Variants in CNGA1 observed in about 807,000 individuals in gnomAD.
CNGA1 encodes cyclic nucleotide gated channel subunit alpha 1, also known as cyclic nucleotide-gated channel alpha-1.
A neutral mutation model predicts 69.7 loss-of-function variants in CNGA1; 53 were observed. That is an observed-to-expected ratio of 0.76 (90% confidence interval 0.61 to 0.96). The LOEUF (loss-of-function observed/expected upper bound fraction) is 0.96. CNGA1 is among the 40% of genes least tolerant of loss of function. CNGA1 has a pLI of 0.00. For missense variants in CNGA1, 739 were observed against 811.2 expected, an observed-to-expected ratio of 0.91 and a Z score of 1.08; for synonymous variants, 249 against 283.5, an observed-to-expected ratio of 0.88 and a Z score of 1.22.
chr4:48,009,265 G>C (rs1363529414), intron 2 of CNGA1, among the ~76,000 whole-genome samples: 1 of 151,876 alleles, frequency 6.6e-6, no homozygotes, highest in African/African-American at 2.4e-5. Flanking sequence ...AGGAGATCGA[G>C]ACCAGCCTGG....
intron 1 of CNGA1, among the ~76,000 whole-genome samples, chr4:48,013,496 G>A (rs758560471): frequency 2.0e-5 from 3 of 152,202 alleles, no homozygotes; most frequent in Admixed American, 1.3e-4. Flanking sequence ...AGCAAAGGCA[G>A]GAATACTGGA....
intron 1 of CNGA1, among the ~76,000 whole-genome samples, chr4:48,014,423 A>G (rs2352412): frequency 0.22 from 24,160 of 110,326 alleles, 2,234 homozygotes; most frequent in South Asian, 0.33. Context: ...TCAGAATTGA[A>G]AAGCAAGAAC....
intron 2 of CNGA1, among the ~76,000 whole-genome samples, chr4:47,996,296 G>A (rs1023064686): frequency 2.0e-5 from 3 of 152,138 alleles, no homozygotes. Flanking sequence ...AACTGATGTT[G>A]ATAGCTCCTT....
At chr4:47,962,904 A>G (rs1305645611) in intron 3 of CNGA1, among the ~76,000 whole-genome samples, 1 of 152,176 alleles carries the variant, frequency 6.6e-6, no homozygotes, top group African/African-American at 2.4e-5. Flanking sequence ...AGCAAACAAC[A>G]CTAATTTAGT....
Position 47,936,246 on chromosome 4 carries a change from T to A in CNGA1, c.*175A>T. 3.1e-6 allele frequency: 2 copies of A among 647,770 alleles called. No individual in the cohort carries two copies. The highest frequency in any genetic ancestry group is 2.7e-6 in the Non-Finnish European group (1 of 374,928). 40.1% of individuals were successfully genotyped at this position (647,770 alleles called of 1,614,324 possible). ...AAAATCCCAAGATATAAAGCTTTTT[T>A]AATCATAGTATCTCTCAGAGAGGGT... On this transcript the variant is annotated 3_prime_UTR_variant, in exon 11 of 11. Transcript: ENST00000514170.
chr4:47,977,738 T>A lies in CNGA1; in HGVS notation c.-15+3655A>T, dbSNP rs560891422. Among the ~76,000 whole-genome samples the A allele has an allele frequency of 2.6e-5, 4 of 152,276 alleles. No individual in the cohort carries two copies. In the East Asian group the frequency reaches 7.7e-4, roughly 29 times the overall value. On this transcript the variant is annotated intron_variant, in intron 3 of 10. Coordinates refer to ENST00000514170, the MANE Select transcript of CNGA1 (RefSeq NM_001379270.1). ...ATAAAAAGCAACAAAATTTTTTTAA[T>A]TATTGCATTTTATTGCACAAAACAC...
intron 2 of CNGA1, among the ~76,000 whole-genome samples, chr4:48,006,264 G>C (rs1349690687): frequency 6.6e-6 from 1 of 152,026 alleles, no homozygotes; most frequent in Admixed American, 6.6e-5. Context: ...ACCTTCTAAA[G>C]AGAACCAAAA....
intron 2 of CNGA1, among the ~76,000 whole-genome samples, chr4:48,000,744 G>C (rs1714634354): frequency 6.6e-6 from 1 of 151,984 alleles, no homozygotes; most frequent in Non-Finnish European, 1.5e-5. Context: ...GGGGAAGCGG[G>C]GGGGTGGGAA....
intron 2 of CNGA1, among the ~76,000 whole-genome samples, chr4:48,000,663 C>A (rs1260280830): frequency 6.6e-6 from 1 of 150,630 alleles, no homozygotes; most frequent in African/African-American, 2.4e-5. Flanking sequence ...CCACCGTGCC[C>A]AGCAACAATA....
intron 2 of CNGA1, among the ~76,000 whole-genome samples, chr4:47,984,659 TATATACACAC>T (rs1741903684): frequency 3.4e-5 from 3 of 87,950 alleles, no homozygotes; most frequent in Non-Finnish European, 4.9e-5. Flanking sequence ...TATATATATA[TATATACACAC>T]ACACACACAC....
chr4:47,997,315 CAA>C (rs2110243297), intron 2 of CNGA1, among the ~76,000 whole-genome samples: 1 of 152,194 alleles, frequency 6.6e-6, no homozygotes, highest in Admixed American at 6.5e-5. Context: ...GGCAAGAAAA[CAA>C]ATGGATATCT....
At chr4:48,013,025 G>C (rs541158819) in intron 1 of CNGA1, 1 of 152,130 alleles carries the variant, frequency 6.6e-6, no homozygotes, top group South Asian at 2.1e-4. Flanking sequence ...CAGAAAATTT[G>C]TCTTTCTTGA....
At chr4:47,970,798 T>C (rs1246405894) in intron 3 of CNGA1, 1 of 452,246 alleles carries the variant, frequency 2.2e-6, no homozygotes, top group Admixed American at 2.4e-5. Context: ...TTATATACTA[T>C]ATAGTATTTC....
At chr4:47,967,733 C>T (rs140434699) in intron 3 of CNGA1, among the ~76,000 whole-genome samples, 2,428 of 152,238 alleles carry the variant, frequency 0.016, 66 homozygotes, top group African/African-American at 0.056. Context: ...AATCCCAGCA[C>T]TTTGGGAGGC....
intron 6 of CNGA1, among the ~76,000 whole-genome samples, chr4:47,946,676 A>G (rs1304614934): frequency 6.6e-6 from 1 of 152,250 alleles, no homozygotes; most frequent in African/African-American, 2.4e-5. Context: ...TAATGTATCA[A>G]TCCGTCATAT....
chr4:48,013,574 G>C (rs1390868432), intron 1 of CNGA1, among the ~76,000 whole-genome samples: 2 of 152,176 alleles, frequency 1.3e-5, no homozygotes, highest in African/African-American at 4.8e-5. Context: ...TTGAGTTTCT[G>C]ACTAGCCTCT....
intron 3 of CNGA1, among the ~76,000 whole-genome samples, chr4:47,967,566 T>G (rs891089822): frequency 2.0e-5 from 3 of 152,128 alleles, no homozygotes; most frequent in African/African-American, 4.8e-5. Flanking sequence ...CTTCAGCATC[T>G]AGAAAAAAAT....
At chr4:47,975,481 T>A (rs1224712248) in intron 3 of CNGA1, among the ~76,000 whole-genome samples, 1 of 152,136 alleles carries the variant, frequency 6.6e-6, no homozygotes, top group Non-Finnish European at 1.5e-5. Context: ...TAATCAAAAG[T>A]CAATTAACTA....
chr4:47,986,563 T>G (rs1741985614), intron 2 of CNGA1, among the ~76,000 whole-genome samples: 1 of 152,064 alleles, frequency 6.6e-6, no homozygotes, highest in Non-Finnish European at 1.5e-5. Context: ...GTGTGTAGAG[T>G]GTTTAACAAT....
Sources: gnomAD v4.1 joint callset for allele counts (sites outside exome capture counted in the v4.1 genomes callset) on GRCh38, gnomAD v4.1.1 for gene constraint, MANE v1.5 for transcripts, NCBI Gene and HGNC (gene_info 2026-07-23, HGNC 2026-07-21) for gene names.